ACSBG1: variants seen among roughly 807,000 people sequenced by gnomAD.
ACSBG1 encodes the protein acyl-CoA synthetase bubblegum family member 1, also known as long-chain-fatty-acid--CoA ligase ACSBG1.
In ACSBG1, 39 loss-of-function variants were observed where a neutral mutation model predicts 80.2. The observed-to-expected ratio is 0.49, with a 90% CI of 0.38 to 0.64. The LOEUF (loss-of-function observed/expected upper bound fraction) is 0.64, where lower values mean the gene tolerates loss of function less well. Ranked by LOEUF, ACSBG1 falls within the 30% of genes least tolerant of loss-of-function variation. ACSBG1 has a pLI of 0.00. For missense variants in ACSBG1, 828 were observed against 966.4 expected, an observed-to-expected ratio of 0.86 and a Z score of 1.90; for synonymous variants, 392 against 379.5, an observed-to-expected ratio of 1.03 and a Z score of -0.38.
At chr15:78,212,731 A>T in intron 1 of ACSBG1, 1 of 385,584 alleles carries the variant, frequency 2.6e-6, no homozygotes, top group East Asian at 7.4e-5. Flanking sequence ...ACCGCCCTGC[A>T]ACAGAGATAC....
At chr15:78,233,201 T>C (rs2075462896) in intron 1 of ACSBG1, among the ~76,000 whole-genome samples, 1 of 152,214 alleles carries the variant, frequency 6.6e-6, no homozygotes, top group African/African-American at 2.4e-5. Flanking sequence ...CTCATGCTCT[T>C]GGAGGCTTTG....
intron 1 of ACSBG1, among the ~76,000 whole-genome samples, chr15:78,223,296 A>G (rs2075373951): frequency 6.8e-6 from 1 of 147,960 alleles, no homozygotes; most frequent in Non-Finnish European, 1.5e-5. Flanking sequence ...GGGTGGGGGG[A>G]GAAAAACCAT....
chr15:78,209,494 C>G (rs529984784), intron 1 of ACSBG1, among the ~76,000 whole-genome samples: 1 of 152,270 alleles, frequency 6.6e-6, no homozygotes, highest in South Asian at 2.1e-4. Context: ...CAGACAGAGG[C>G]GTGTGAATGC....
In ACSBG1 at chr15:78,177,201, A is replaced by C. The variant is rs181096710; in HGVS notation, c.1702+1413T>G. Among the ~76,000 whole-genome samples, 92 of 152,354 alleles carry C rather than the reference A, an allele frequency of 6.0e-4. 1 individual carries two copies. In the South Asian group the frequency reaches 0.017, roughly 28 times the overall value. Reference sequence around the variant, plus strand: ...GCCAAGGTCATCTTGAAGAAGAAGAAGACCAAGGCTGTAGGACTTAGCCGG... The same window carrying C: ...GCCAAGGTCATCTTGAAGAAGAAGACGACCAAGGCTGTAGGACTTAGCCGG... On this transcript the variant is annotated intron_variant, in intron 11 of 13. Transcript: ENST00000258873. The surrounding 1 kb of genome is among the most constrained non-coding windows in gnomAD (Gnocchi z 4.1).
At chr15:78,189,723 A>G (rs2075040453) in intron 5 of ACSBG1, among the ~76,000 whole-genome samples, 1 of 152,034 alleles carries the variant, frequency 6.6e-6, no homozygotes, top group Non-Finnish European at 1.5e-5. Flanking sequence ...CCTAATGCTA[A>G]ATGACGAGTT....
At chr15:78,192,559 G>T (rs1318465519) in intron 5 of ACSBG1, among the ~76,000 whole-genome samples, 1 of 152,164 alleles carries the variant, frequency 6.6e-6, no homozygotes, top group Non-Finnish European at 1.5e-5. Flanking sequence ...CTGCCTCAAG[G>T]GTCTGGGCTG....
At chr15:78,187,589 A>G (rs2075016997) in intron 5 of ACSBG1, among the ~76,000 whole-genome samples, 1 of 152,230 alleles carries the variant, frequency 6.6e-6, no homozygotes, top group Non-Finnish European at 1.5e-5. Flanking sequence ...GATTATCTCA[A>G]TAGATGCAGA....
chr15:78,234,243 C>T lies in ACSBG1; in HGVS notation c.131+128G>A, dbSNP rs2075474236. On this transcript the variant is annotated intron_variant, in intron 1 of 13. Coordinates refer to ENST00000258873, the MANE Select transcript of ACSBG1 (RefSeq NM_015162.5). ...CATCTTACGGATCGCCCAGATCCTTCCCTTCATTTCCCAGGTGAAGAAACT... is the reference window on the plus strand; with the variant it reads ...CATCTTACGGATCGCCCAGATCCTTTCCTTCATTTCCCAGGTGAAGAAACT... The T allele has an allele frequency of 9.1e-6, 12 of 1,325,810 alleles. No homozygotes were observed. The South Asian group carries it at 1.5e-4, about 17-fold the overall frequency. The allele number at this position is 1,325,810 out of a possible 1,614,324, so 82.1% of individuals were successfully genotyped here.
intron 2 of ACSBG1, among the ~76,000 whole-genome samples, chr15:78,195,897 GA>G (rs1595890163): frequency 6.6e-6 from 1 of 152,170 alleles, no homozygotes; most frequent in East Asian, 1.9e-4. Flanking sequence ...GCAGACAAAT[GA>G]ACTAGATGAG....
At chr15:78,216,129 T>G (rs548864298) in intron 1 of ACSBG1, among the ~76,000 whole-genome samples, 1 of 152,298 alleles carries the variant, frequency 6.6e-6, no homozygotes, top group African/African-American at 2.4e-5. Flanking sequence ...ATTCCCAAAG[T>G]TGGAATTGAT....
chr15:78,183,492 G>A (rs918121827), intron 5 of ACSBG1, among the ~76,000 whole-genome samples: 2 of 152,134 alleles, frequency 1.3e-5, no homozygotes, highest in Admixed American at 6.5e-5. Flanking sequence ...CACGAGACTC[G>A]CTTGAGCCCG....
chr15:78,222,506 T>TA (rs536667154), intron 1 of ACSBG1, among the ~76,000 whole-genome samples: 12 of 151,922 alleles, frequency 7.9e-5, no homozygotes, highest in African/African-American at 2.9e-4. Flanking sequence ...CCACAAATAA[T>TA]AAAAAAATTA....
At chr15:78,174,827 T>G (rs1049896960) in intron 11 of ACSBG1, 2 of 431,620 alleles carry the variant, frequency 4.6e-6, no homozygotes, top group East Asian at 4.8e-5. Flanking sequence ...TGCCCCCAAA[T>G]AGCCCGTGTC....
At chr15:78,203,701 CAA>C (rs2075188544) in intron 2 of ACSBG1, among the ~76,000 whole-genome samples, 1 of 152,244 alleles carries the variant, frequency 6.6e-6, no homozygotes, top group African/African-American at 2.4e-5. Context: ...GAAAACAACA[CAA>C]GAGCAGAGAG....
Position 78,168,536 on chromosome 15 carries a change from G to A in ACSBG1, c.*2908C>T, listed in dbSNP as rs915928644. 6.4e-6 allele frequency: 1 copy of A among 155,194 alleles called. No homozygotes were observed. Among genetic ancestry groups the A allele is most frequent in the South Asian group, 2.1e-4 (1 of 4,858 alleles). The allele number at this position is 155,194 out of a possible 1,614,324, so 9.6% of individuals were successfully genotyped here. On this transcript the variant is annotated 3_prime_UTR_variant, in exon 14 of 14. Transcript: ENST00000258873. ...AAAAATAGATCAAAATATGTCTCAGGTCTATTCCTGAGACATATTTCCCAA... is the reference window on the plus strand; with the variant it reads ...AAAAATAGATCAAAATATGTCTCAGATCTATTCCTGAGACATATTTCCCAA...
At chr15:78,194,314 T>G (rs1473520311) in intron 3 of ACSBG1, among the ~76,000 whole-genome samples, 192 bp downstream of exon 3, 1 of 152,220 alleles carries the variant, frequency 6.6e-6, no homozygotes, top group Non-Finnish European at 1.5e-5. Context: ...TGGCACATGG[T>G]AGGGGCTCAG....
At chr15:78,225,401 C>CAATAAATAAATA (rs148506728) in intron 1 of ACSBG1, among the ~76,000 whole-genome samples, 18,292 of 142,952 alleles carry the variant, frequency 0.13, 1,372 homozygotes, top group African/African-American at 0.18. Context: ...AACTCTGTCT[C>CAATAAATAAATA]AATAAATAAA....
chr15:78,227,930 G>A (rs1023609873), intron 1 of ACSBG1, among the ~76,000 whole-genome samples: 4 of 152,134 alleles, frequency 2.6e-5, no homozygotes, highest in Admixed American at 1.3e-4. Flanking sequence ...AAGAACACCT[G>A]GAACATTGGC....
rs985695910 is a variant in ACSBG1 at position 78,170,113 on chromosome 15, G to C, written c.*1331C>G. The C allele has an allele frequency of 7.9e-5, 12 of 152,192 alleles. No homozygotes were observed. The highest frequency in any genetic ancestry group is 1.7e-4 in the African/African-American group (7 of 41,436). 9.4% of individuals were successfully genotyped at this position (152,192 alleles called of 1,614,324 possible). On this transcript the variant is annotated 3_prime_UTR_variant, in exon 14 of 14. Transcript: ENST00000258873. ...TAATTCACAAAATTATGCCATGCTG[G>C]GGCTTGAGCTTGAGCTTGGGCTTAG...
Sources: gnomAD v4.1 joint callset for allele counts (sites outside exome capture counted in the v4.1 genomes callset) on GRCh38, gnomAD v4.1.1 for gene constraint, Gnocchi (gnomAD v3.1) non-coding constraint, MANE v1.5 for transcripts, NCBI Gene and HGNC (gene_info 2026-07-23, HGNC 2026-07-21) for gene names.